NFIB: variants seen among roughly 807,000 people sequenced by gnomAD.
NFIB encodes the protein nuclear factor I B, also known as nuclear factor 1 B-type.
Under a neutral mutation model 61.5 loss-of-function variants are expected in NFIB, and 11 were observed. The observed-to-expected ratio is 0.18, with a 90% confidence interval of 0.11 to 0.30. NFIB has a LOEUF of 0.30. NFIB is among the 10% of genes least tolerant of loss of function. The probability of loss-of-function intolerance (pLI) is 1.00; values close to 1 mark genes in which losing one functional copy is unlikely to be tolerated. For missense variants in NFIB, 471 were observed against 608.9 expected, an observed-to-expected ratio of 0.77 and a Z score of 2.38; for synonymous variants, 260 against 216.5, an observed-to-expected ratio of 1.20 and a Z score of -1.76.
At chr9:14,185,120 A>G (rs2047204150) in intron 2 of NFIB, among the ~76,000 whole-genome samples, 1 of 152,146 alleles carries the variant, frequency 6.6e-6, no homozygotes, top group African/African-American at 2.4e-5. Flanking sequence ...AGAAGCTCAG[A>G]GGCTGCCTGA....
intron 2 of NFIB, among the ~76,000 whole-genome samples, chr9:14,250,668 T>G (rs1226151480): frequency 1.3e-5 from 2 of 152,218 alleles, no homozygotes. Flanking sequence ...AAAGCAACAT[T>G]AAACATACCA....
the NFIB span, among the ~76,000 whole-genome samples, chr9:14,531,688 A>T: frequency 2.2e-4 from 2 of 9,164 alleles, no homozygotes; most frequent in Admixed American, 1.2e-3. Flanking sequence ...ATTTTTCTTT[A>T]AAAAAAAAAA....
At chr9:14,441,916 T>G in the NFIB span, among the ~76,000 whole-genome samples, 1 of 152,246 alleles carries the variant, frequency 6.6e-6, no homozygotes, top group East Asian at 1.9e-4. Context: ...AGGGCTTCTC[T>G]GCTCCCTTGT....
At chr9:14,156,201 G>A (rs1008447169) in intron 3 of NFIB, among the ~76,000 whole-genome samples, 2 of 152,154 alleles carry the variant, frequency 1.3e-5, no homozygotes, top group African/African-American at 4.8e-5. Flanking sequence ...CTCAGTGAAT[G>A]CTTTTGACTC....
rs550040227 is a variant in NFIB, at chr9:14,094,931, T to G, written c.1468-6605A>C. ...GGCACAGTGGATTGAATGTTAACTT[T>G]ACCATGCGTGAGTGCTAGCACTTTC... On this transcript the variant is annotated intron_variant, in intron 10 of 10. Coordinates refer to ENST00000380953, the MANE Select transcript of NFIB (RefSeq NM_001190737.2). Among the ~76,000 whole-genome samples, 77 of 152,242 alleles carry G rather than the reference T, an allele frequency of 5.1e-4. 2 individuals carry two copies. In the South Asian group the frequency reaches 0.014, roughly 28 times the overall value.
the NFIB span, among the ~76,000 whole-genome samples, chr9:14,491,265 T>C: frequency 6.6e-6 from 1 of 152,060 alleles, no homozygotes; most frequent in Non-Finnish European, 1.5e-5. Flanking sequence ...CTACAATTAT[T>C]GAAAGAGTGC....
At chr9:14,417,123 C>T in the NFIB span, among the ~76,000 whole-genome samples, 20 of 151,118 alleles carry the variant, frequency 1.3e-4, no homozygotes, top group Non-Finnish European at 2.4e-4. Flanking sequence ...GAACTCCTGA[C>T]CTCGTGATCT....
intron 10 of NFIB, among the ~76,000 whole-genome samples, chr9:14,107,459 T>C (rs568236752): frequency 2.0e-5 from 3 of 152,206 alleles, no homozygotes; most frequent in South Asian, 4.1e-4. Context: ...TGAGTATGCA[T>C]AGTCCATGAG....
chr9:14,270,013 G>T (rs2057485419), intron 2 of NFIB, among the ~76,000 whole-genome samples: 1 of 152,100 alleles, frequency 6.6e-6, no homozygotes. Context: ...GGTGCTACCT[G>T]ACCTCCATCC....
At chr9:14,097,328 C>T (rs1044059323) in intron 10 of NFIB, among the ~76,000 whole-genome samples, 4 of 151,954 alleles carry the variant, frequency 2.6e-5, no homozygotes, top group African/African-American at 9.7e-5. Flanking sequence ...GTGCTAGGGG[C>T]CCAGAATGGT....
intron 10 of NFIB, among the ~76,000 whole-genome samples, chr9:14,090,359 T>C (rs951316307): frequency 5.9e-5 from 9 of 152,152 alleles, no homozygotes; most frequent in African/African-American, 2.2e-4. Context: ...TCTTCAACAA[T>C]TATTTTTGTG....
At chr9:14,287,812 A>C (rs984462048) in intron 2 of NFIB, among the ~76,000 whole-genome samples, 2 of 152,090 alleles carry the variant, frequency 1.3e-5, no homozygotes, top group Non-Finnish European at 2.9e-5. Context: ...CAAAATATTT[A>C]AAGCTGGGTG....
At chr9:14,344,416 G>T (rs567625555) in intron 1 of NFIB, among the ~76,000 whole-genome samples, 1 of 151,898 alleles carries the variant, frequency 6.6e-6, no homozygotes, top group African/African-American at 2.4e-5. Context: ...TCAGAAGGGG[G>T]GGGTAGAGGG....
the NFIB span, among the ~76,000 whole-genome samples, chr9:14,424,779 AT>A: frequency 1.3e-5 from 2 of 152,246 alleles, no homozygotes; most frequent in African/African-American, 4.8e-5. Context: ...GAGGGAAAGG[AT>A]TTTTAAAACT....
At chr9:14,406,238 T>A in the NFIB span, among the ~76,000 whole-genome samples, 2 of 152,204 alleles carry the variant, frequency 1.3e-5, no homozygotes, top group African/African-American at 4.8e-5. Flanking sequence ...AGCAGGGTTT[T>A]CATAACGTCT....
chr9:14,222,991 C>G (rs763707390), intron 2 of NFIB, among the ~76,000 whole-genome samples: 20 of 151,984 alleles, frequency 1.3e-4, no homozygotes, highest in Admixed American at 2.6e-4. Flanking sequence ...CTTTTGGCTT[C>G]CCTGGGCCAC....
rs3824499 is a variant in NFIB at position 14,085,443 on chromosome 9, C to T, written c.*2866G>A. The T allele has an allele frequency of 8.5e-4, 187 of 220,306 alleles. 1 individual carries two copies. In the East Asian group the frequency reaches 0.011, roughly 13 times the overall value. The allele number at this position is 220,306 out of a possible 1,614,324, so 13.6% of individuals were successfully genotyped here. ...TTCAGCCTCTAGCCCTCAGGGGAAA[C>T]GAAATCAAATATATAGTTAAGGTAC... On this transcript the variant is annotated 3_prime_UTR_variant, in exon 11 of 11. Transcript: ENST00000380953.
intron 1 of NFIB, among the ~76,000 whole-genome samples, chr9:14,376,043 T>C (rs958839315): frequency 6.6e-6 from 1 of 152,188 alleles, no homozygotes; most frequent in African/African-American, 2.4e-5. Context: ...TTTGAGTAGT[T>C]TAAGCTATGG....
chr9:14,295,365 C>T (rs1039027645), intron 2 of NFIB, among the ~76,000 whole-genome samples: 33 of 152,226 alleles, frequency 2.2e-4, no homozygotes, highest in Middle Eastern at 3.4e-3. Context: ...GTGGCTCATG[C>T]CTGTAATCCC....
Sources: gnomAD v4.1 joint callset for allele counts (sites outside exome capture counted in the v4.1 genomes callset) on GRCh38, gnomAD v4.1.1 for gene constraint, MANE v1.5 for transcripts, NCBI Gene and HGNC (gene_info 2026-07-23, HGNC 2026-07-21) for gene names.